ADGRL3: variants seen among roughly 807,000 people sequenced by gnomAD.
ADGRL3 encodes adhesion G protein-coupled receptor L3, also known as calcium-independent alpha-latrotoxin receptor 3.
A neutral mutation model predicts 153.5 loss-of-function variants in ADGRL3; 62 were observed. The ratio of observed to expected loss-of-function variants is 0.40; its 90% confidence interval spans 0.33 to 0.50. The LOEUF (loss-of-function observed/expected upper bound fraction) is 0.50. Among genes scored for constraint, ADGRL3 ranks in the 20% least tolerant of loss-of-function variants. ADGRL3 has a pLI of 0.47. For synonymous variants in ADGRL3, 710 were observed against 672.5 expected (o/e 1.06, Z -0.86); for missense variants, 1,641 against 1,859.4 (o/e 0.88, Z 2.16).
chr4:62,067,179 A>T (rs1743396695), intron 25 of ADGRL3, among the ~76,000 whole-genome samples: 1 of 152,226 alleles, frequency 6.6e-6, no homozygotes, highest in South Asian at 2.1e-4. Flanking sequence ...ACCTTTAAAG[A>T]ACCAAAACTG....
intron 9 of ADGRL3, among the ~76,000 whole-genome samples, chr4:61,846,464 TC>T (rs1213823874): frequency 6.6e-6 from 1 of 152,176 alleles, no homozygotes; most frequent in Non-Finnish European, 1.5e-5. Flanking sequence ...TTTACAGCCA[TC>T]TAGCCTTCTG....
At chr4:61,342,869 C>T (rs987192877) in intron 1 of ADGRL3, among the ~76,000 whole-genome samples, 2 of 152,128 alleles carry the variant, frequency 1.3e-5, no homozygotes, top group Admixed American at 1.3e-4. Flanking sequence ...CTAATAAAGA[C>T]ATATCCGAGA....
intron 1 of ADGRL3, among the ~76,000 whole-genome samples, chr4:61,255,326 A>G (rs1302423284): frequency 3.3e-5 from 5 of 152,206 alleles, no homozygotes; most frequent in Non-Finnish European, 7.3e-5. Flanking sequence ...TGGTCTTCTT[A>G]TGAAATAGTT....
intron 5 of ADGRL3, among the ~76,000 whole-genome samples, chr4:61,662,770 G>A (rs942436078): frequency 7.2e-5 from 11 of 152,288 alleles, no homozygotes; most frequent in Non-Finnish European, 1.5e-4. Context: ...AGCTTTTTCT[G>A]GCCATGCATG....
rs2097755354 is a variant in ADGRL3 at position 61,456,470 on chromosome 4, TCTATATCTATATATATAG to T, written c.-173-40650_-173-40633del. Reference sequence around the variant, plus strand: ...ATCTATATCTATATATATAGATATATCTATATCTATATATATAGATATATCTATATCTATATATATATA... The same window carrying T: ...ATCTATATCTATATATATAGATATATATATATCTATATCTATATATATATA... On this transcript the variant is annotated intron_variant, in intron 2 of 26. Coordinates refer to ENST00000683033, the MANE Select transcript of ADGRL3 (RefSeq NM_001387552.1). Among the ~76,000 whole-genome samples, 4 of 129,698 alleles carry T rather than the reference TCTATATCTATATATATAG, an allele frequency of 3.1e-5. No homozygotes were observed. The Admixed American group carries it at 3.6e-4, about 12-fold the overall frequency. The allele number at this position is 129,698 out of a possible 152,430, so 85.1% of individuals were successfully genotyped here. A position where few individuals can be genotyped will look rare whatever the true frequency, so the allele number is the denominator to read the frequency against.
At chr4:61,667,744 A>G (rs1211531854) in intron 5 of ADGRL3, among the ~76,000 whole-genome samples, 1 of 152,240 alleles carries the variant, frequency 6.6e-6, no homozygotes, top group Non-Finnish European at 1.5e-5. Context: ...TTGTGATAAA[A>G]GCAAACAAAC....
intron 5 of ADGRL3, among the ~76,000 whole-genome samples, chr4:61,612,890 C>A (rs1026417757): frequency 3.3e-5 from 5 of 152,028 alleles, no homozygotes; most frequent in Non-Finnish European, 5.9e-5. Flanking sequence ...ACCCCCAGGG[C>A]ATAACTGGGA....
chr4:61,542,451 C>T (rs752870115), intron 4 of ADGRL3, among the ~76,000 whole-genome samples: 39 of 152,204 alleles, frequency 2.6e-4, no homozygotes, highest in Non-Finnish European at 5.0e-4. Flanking sequence ...TAAGACAGTA[C>T]AGAAAAATTT....
intron 21 of ADGRL3, among the ~76,000 whole-genome samples, chr4:62,009,173 T>C (rs1275629376): frequency 1.3e-5 from 2 of 152,160 alleles, no homozygotes; most frequent in Non-Finnish European, 2.9e-5. Context: ...AAGGCAACTG[T>C]CGAAAGGCTT....
At chr4:62,066,662 G>C (rs545571707) in intron 25 of ADGRL3, among the ~76,000 whole-genome samples, 3 of 152,164 alleles carry the variant, frequency 2.0e-5, no homozygotes, top group African/African-American at 2.4e-5. Flanking sequence ...ACATTTTAAA[G>C]TAATTTAATT....
intron 1 of ADGRL3, among the ~76,000 whole-genome samples, chr4:61,370,460 T>A (rs2151696816): frequency 6.6e-6 from 1 of 152,126 alleles, no homozygotes; most frequent in East Asian, 1.9e-4. Context: ...AAAGAACATC[T>A]TTATTTCTGC....
At chr4:61,319,926 T>C (rs553604603) in intron 1 of ADGRL3, among the ~76,000 whole-genome samples, 22 of 152,186 alleles carry the variant, frequency 1.4e-4, no homozygotes, top group Non-Finnish European at 2.6e-4. Flanking sequence ...AGTTCATATA[T>C]TGAAGTCCTA....
At chr4:61,692,409 A>C (rs368558812) in intron 6 of ADGRL3, among the ~76,000 whole-genome samples, 14 of 150,010 alleles carry the variant, frequency 9.3e-5, no homozygotes, top group African/African-American at 3.4e-4. Flanking sequence ...CTAATTGGTC[A>C]CTAGTCACCA....
At chr4:62,038,753 C>T (rs1186365841) in intron 24 of ADGRL3, among the ~76,000 whole-genome samples, 2 of 152,022 alleles carry the variant, frequency 1.3e-5, no homozygotes, top group African/African-American at 2.4e-5. Flanking sequence ...GGACCACAGG[C>T]GTGTGCCACC....
chr4:61,284,933 C>T (rs921129783), intron 1 of ADGRL3, among the ~76,000 whole-genome samples: 3 of 151,410 alleles, frequency 2.0e-5, no homozygotes, highest in Non-Finnish European at 4.4e-5. Flanking sequence ...TCTTAAGCCC[C>T]GCTCTTTGTT....
intron 11 of ADGRL3, chr4:61,906,478 A>G (rs2098696264): frequency 6.6e-6 from 1 of 152,144 alleles, no homozygotes; most frequent in African/African-American, 2.4e-5. Flanking sequence ...GTCATAATCC[A>G]TTTTATTGTT....
intron 1 of ADGRL3, among the ~76,000 whole-genome samples, chr4:61,256,703 C>T (rs181687623): frequency 1.1e-4 from 16 of 152,202 alleles, no homozygotes; most frequent in African/African-American, 3.9e-4. Context: ...TACCTTCTAT[C>T]AAGTATAATC....
chr4:61,532,555 C>CGCGT lies in ADGRL3; in HGVS notation c.259+15038_259+15039insCGTG, dbSNP rs760218872. On this transcript the variant is annotated intron_variant, in intron 4 of 26. Coordinates refer to ENST00000683033, the MANE Select transcript of ADGRL3 (RefSeq NM_001387552.1). Reference sequence around the variant, plus strand: ...ATGCGCGCGCGCGCGCGCGCGCGCGCGTGTGTGTGTGTGTGTGTGTTTAAG... The same window carrying CGCGT: ...ATGCGCGCGCGCGCGCGCGCGCGCGCGCGTGTGTGTGTGTGTGTGTGTGTTTAAG... Among the ~76,000 whole-genome samples the CGCGT allele has an allele frequency of 1.3e-3, 169 of 131,466 alleles. 1 individual carries two copies. Among genetic ancestry groups the CGCGT allele is most frequent in the South Asian group, 2.3e-3 (8 of 3,506 alleles). 86.2% of individuals were successfully genotyped at this position (131,466 alleles called of 152,430 possible).
intron 2 of ADGRL3, among the ~76,000 whole-genome samples, chr4:61,447,278 C>T (rs368089467): frequency 9.9e-5 from 15 of 152,132 alleles, no homozygotes; most frequent in African/African-American, 3.6e-4. Context: ...TCTATTTTCT[C>T]ACCCTGCACT....
Sources: allele counts gnomAD v4.1 joint callset (sites outside exome capture counted in the v4.1 genomes callset), GRCh38; gene constraint gnomAD v4.1.1; transcripts MANE v1.5; gene names NCBI Gene and HGNC (gene_info 2026-07-23, HGNC 2026-07-21).